Variants in SLFN12L observed in about 807,000 individuals in gnomAD.
SLFN12L encodes the protein schlafen family member 12 like, also known as schlafen family member 12-like.
Under a neutral mutation model 34.8 loss-of-function variants are expected in SLFN12L, and 34 were observed. The ratio of observed to expected loss-of-function variants is 0.98; its 90% CI spans 0.74 to 1.30. The LOEUF (loss-of-function observed/expected upper bound fraction) is 1.30. SLFN12L is among the 50% of genes most tolerant of loss of function. The pLI, the probability that SLFN12L is intolerant of heterozygous loss-of-function variation, is 0.00. For missense variants in SLFN12L, 703 were observed against 696.2 expected (o/e 1.01, Z -0.11); for synonymous variants, 259 against 247.5 (o/e 1.05, Z -0.44).
At chr17:35,495,900 AACACACAC>A (rs58553128) in intron 2 of SLFN12L, among the ~76,000 whole-genome samples, 9,232 of 137,936 alleles carry the variant, frequency 0.067, 614 homozygotes, top group African/African-American at 0.17. Flanking sequence ...GCCGATTTGA[AACACACAC>A]ACACACACAC....
chr17:35,512,608 C>T (rs752258505), intron 2 of SLFN12L, among the ~76,000 whole-genome samples: 2 of 152,084 alleles, frequency 1.3e-5, no homozygotes, highest in African/African-American at 4.8e-5. Flanking sequence ...CCTTGTGATC[C>T]GCCTGCCTCG....
intron 1 of SLFN12L, among the ~76,000 whole-genome samples, chr17:35,527,014 AT>A (rs1209541562): frequency 1.3e-5 from 2 of 152,194 alleles, no homozygotes; most frequent in African/African-American, 2.4e-5. Context: ...CAATAAAAAA[AT>A]CATAAAGGGG....
At chr17:35,501,714 A>G (rs185420434) in intron 2 of SLFN12L, among the ~76,000 whole-genome samples, 1 of 152,340 alleles carries the variant, frequency 6.6e-6, no homozygotes, top group Admixed American at 6.5e-5. Context: ...CTATGACACC[A>G]GGAAAACTTA....
At chr17:35,529,176 A>C (rs1188027414) in intron 1 of SLFN12L, among the ~76,000 whole-genome samples, 2 of 152,248 alleles carry the variant, frequency 1.3e-5, no homozygotes, top group African/African-American at 2.4e-5. Context: ...AATGGCGATC[A>C]TTAAAAAGTC....
intron 2 of SLFN12L, among the ~76,000 whole-genome samples, chr17:35,487,192 C>T (rs528642440): frequency 4.3e-4 from 66 of 152,400 alleles, no homozygotes; most frequent in African/African-American, 1.5e-3. Context: ...CTCCCCACTT[C>T]TCCAGCTCTG....
intron 2 of SLFN12L, among the ~76,000 whole-genome samples, chr17:35,514,602 G>GA (rs1915754997): frequency 6.6e-6 from 1 of 152,108 alleles, no homozygotes; most frequent in Admixed American, 6.6e-5. Context: ...TTTTCACTGG[G>GA]AAAAATAAAT....
chr17:35,526,738 T>C (rs1166668920), intron 1 of SLFN12L, among the ~76,000 whole-genome samples: 3 of 152,204 alleles, frequency 2.0e-5, no homozygotes, highest in South Asian at 4.1e-4. Flanking sequence ...TATCACTAAA[T>C]GCCCACAAGA....
intron 2 of SLFN12L, among the ~76,000 whole-genome samples, chr17:35,504,179 C>T (rs1915391578): frequency 6.6e-6 from 1 of 152,176 alleles, no homozygotes; most frequent in South Asian, 2.1e-4. Flanking sequence ...GTACCTCTGT[C>T]CCTCCTGACT....
Position 35,479,200 on chromosome 17 carries a change from G to C in SLFN12L, c.1082C>G (p.Pro361Arg), listed in dbSNP as rs1166214321. Residue 361 changes from proline (P) to arginine (R), a missense_variant, in exon 3 of 5, where the codon CCT becomes CGT. Transcript: ENST00000628453. ...RFCCAVFAKK[P>R]DSWHVKDNRV... Reference sequence around the variant, plus strand: ...GTTATCTTTCACGTGCCAGGAATCAGGCTTTTTAGCAAACACTGCACAGCA... The same window carrying C: ...GTTATCTTTCACGTGCCAGGAATCACGCTTTTTAGCAAACACTGCACAGCA... 6.3e-7 allele frequency: 1 copy of C among 1,582,610 alleles called. No individual in the cohort carries two copies. The highest frequency in any genetic ancestry group is 2.3e-5 in the East Asian group (1 of 43,408).
intron 4 of SLFN12L, among the ~76,000 whole-genome samples, chr17:35,476,648 C>T (rs1226637024): frequency 6.6e-6 from 1 of 152,224 alleles, no homozygotes; most frequent in African/African-American, 2.4e-5. Flanking sequence ...GTAGAAGGGT[C>T]TTGGTAAATA....
rs182711884 is a variant in SLFN12L at position 35,516,100 on chromosome 17, A to G, written c.86+6179T>C. ...AATATAGGACCATAGAATTTGAGAG[A>G]CATTAATATCCTTATTTTCTAATAT... On this transcript the variant is annotated intron_variant, in intron 2 of 4. Transcript: ENST00000628453. Among the ~76,000 whole-genome samples, 668 of 152,286 alleles carry G rather than the reference A, an allele frequency of 4.4e-3. 6 individuals are homozygous for G. Among genetic ancestry groups the G allele is most frequent in the African/African-American group, 0.015 (642 of 41,542 alleles).
At chr17:35,536,033 G>T (rs1416185368) in intron 1 of SLFN12L, among the ~76,000 whole-genome samples, 1 of 151,832 alleles carries the variant, frequency 6.6e-6, no homozygotes, top group Admixed American at 6.6e-5. Context: ...TATCCAGGCT[G>T]TTCTCAAACT....
At chr17:35,490,614 G>T in intron 2 of SLFN12L, 1 of 844,124 alleles carries the variant, frequency 1.2e-6, no homozygotes, top group Admixed American at 1.8e-5. Context: ...AAATGACCAA[G>T]CTCACTCAGG....
intron 2 of SLFN12L, chr17:35,490,901 AC>A: frequency 1.2e-6 from 1 of 823,162 alleles, no homozygotes; most frequent in Admixed American, 1.7e-5. Context: ...CAGTCCAATG[AC>A]AACAAACAAC....
chr17:35,526,213 T>C (rs2072333433), intron 1 of SLFN12L, among the ~76,000 whole-genome samples: 1 of 152,014 alleles, frequency 6.6e-6, no homozygotes, highest in South Asian at 2.1e-4. Flanking sequence ...TAAAGCAAAT[T>C]CTTAGAGACC....
chr17:35,485,762 C>T (rs1308853827), intron 2 of SLFN12L, among the ~76,000 whole-genome samples: 8 of 152,166 alleles, frequency 5.3e-5, no homozygotes, highest in Non-Finnish European at 8.8e-5. Flanking sequence ...TGTCCTTTCT[C>T]CATTGGTTAT....
rs528011163 is a variant in SLFN12L at position 35,471,504 on chromosome 17, G to A, written c.*3419C>T. ...ATATACCCAGTAATGGGATTCCTGGGTCAAATGGTATTTCTGGTTCTAGAT... is the reference window on the plus strand; with the variant it reads ...ATATACCCAGTAATGGGATTCCTGGATCAAATGGTATTTCTGGTTCTAGAT... On this transcript the variant is annotated 3_prime_UTR_variant, in exon 5 of 5. Coordinates refer to ENST00000628453, the MANE Select transcript of SLFN12L (RefSeq NM_001363830.2). 2.0e-5 allele frequency among the ~76,000 whole-genome samples: 3 copies of A among 152,208 alleles called. No individual in the cohort carries two copies. The East Asian group carries it at 5.8e-4, about 29-fold the overall frequency.
intron 2 of SLFN12L, among the ~76,000 whole-genome samples, chr17:35,483,333 C>T (rs944429916): frequency 5.3e-5 from 8 of 152,188 alleles, no homozygotes; most frequent in African/African-American, 1.9e-4. Flanking sequence ...TGTCTGCATA[C>T]CTCATTCTTC....
chr17:35,490,357 C>A, intron 2 of SLFN12L: 2 of 1,337,888 alleles, frequency 1.5e-6, no homozygotes, highest in African/African-American at 1.4e-5. Flanking sequence ...AAACACGGTA[C>A]GATAGTCTCT....
Sources: allele counts gnomAD v4.1 joint callset (sites outside exome capture counted in the v4.1 genomes callset), GRCh38; gene constraint gnomAD v4.1.1; transcripts MANE v1.5; gene names NCBI Gene and HGNC (gene_info 2026-07-23, HGNC 2026-07-21).